The following ZNF567 variants were observed in gnomAD, a reference collection of about 807,000 sequenced individuals.
ZNF567 encodes zinc finger protein 567.
A neutral mutation model predicts 53.9 loss-of-function variants in ZNF567; 36 were observed. The observed-to-expected ratio is 0.67, with a 90% CI of 0.51 to 0.88. ZNF567 has a LOEUF of 0.88. Ranked by LOEUF, ZNF567 falls within the 40% of genes least tolerant of loss-of-function variation. ZNF567 has a pLI of 0.00. For missense variants in ZNF567, 619 were observed against 764.7 expected (o/e 0.81, Z 2.25); for synonymous variants, 224 against 260.4 (o/e 0.86, Z 1.35).
the ZNF567 span, among the ~76,000 whole-genome samples, chr19:36,671,997 G>A: frequency 6.6e-6 from 1 of 152,216 alleles, no homozygotes; most frequent in Admixed American, 6.5e-5. Context: ...GCCTGCACTC[G>A]TGGCCTCATG....
At chr19:36,722,113 G>A (rs2040310144), downstream of ZNF567, among the ~76,000 whole-genome samples, 1 of 152,106 alleles carries the variant, frequency 6.6e-6, no homozygotes, top group African/African-American at 2.4e-5. Flanking sequence ...AGTGACTAGA[G>A]AGATTTTGAT....
At chr19:36,707,827 C>T (rs1396275290) in intron 3 of ZNF567, among the ~76,000 whole-genome samples, 2 of 152,290 alleles carry the variant, frequency 1.3e-5, no homozygotes, top group East Asian at 3.9e-4. Context: ...GATCTGCCTG[C>T]CTAGACCTCC....
the ZNF567 span, among the ~76,000 whole-genome samples, chr19:36,674,955 G>A: frequency 6.6e-6 from 1 of 152,108 alleles, no homozygotes; most frequent in African/African-American, 2.4e-5. Context: ...GTTTCACCAT[G>A]TTGGCCAGGC....
At chr19:36,701,177 T>C (rs2039163632) in intron 3 of ZNF567, among the ~76,000 whole-genome samples, 1 of 152,254 alleles carries the variant, frequency 6.6e-6, no homozygotes, top group Non-Finnish European at 1.5e-5. Flanking sequence ...CATTTCATTA[T>C]GTACCCAGTA....
downstream of ZNF567, chr19:36,727,001 T>TCTTC (rs1436168243): frequency 2.0e-4 from 18 of 91,688 alleles, no homozygotes; most frequent in African/African-American, 8.0e-4. Flanking sequence ...TTTCTTTCTT[T>TCTTC]CTTTCTTTCC....
In ZNF567 at chr19:36,719,600, G is replaced by A. The variant is rs767154017; in HGVS notation, c.876G>A (p.Arg292=). 2 of 1,613,980 alleles carry A rather than the reference G, an allele frequency of 1.2e-6. No homozygotes were observed. Among genetic ancestry groups the A allele is most frequent in the Non-Finnish European group, 1.7e-6 (2 of 1,180,014 alleles). The change falls in exon 6 of 6, where the codon AGG becomes AGA. Residue 292 remains arginine, a synonymous_variant. Transcript: ENST00000682579. ...QCHQCGNAFR[R]KSYLIDHQRT... is the part of the protein sequence containing the mutation. Reference sequence around the variant, plus strand: ...ATCAATGTGGAAATGCATTTAGAAGGAAATCATATCTCATTGATCATCAGA... The same window carrying A: ...ATCAATGTGGAAATGCATTTAGAAGAAAATCATATCTCATTGATCATCAGA...
chr19:36,704,794 T>C (rs3108179), intron 3 of ZNF567, among the ~76,000 whole-genome samples: 95,095 of 151,948 alleles, frequency 0.63, 29,870 homozygotes, highest in East Asian at 0.8. Context: ...TCTTAAACGT[T>C]TGTTAGAATT....
At chr19:36,699,661 A>G (rs377522746) in intron 3 of ZNF567, among the ~76,000 whole-genome samples, 21 of 152,004 alleles carry the variant, frequency 1.4e-4, no homozygotes, top group African/African-American at 7.2e-5. Flanking sequence ...TGGATTCCTA[A>G]GTATTTTATT....
At chr19:36,723,590 C>T (rs535120335), downstream of ZNF567, among the ~76,000 whole-genome samples, 26 of 152,292 alleles carry the variant, frequency 1.7e-4, no homozygotes, top group African/African-American at 5.8e-4. Flanking sequence ...AATCCCAGCA[C>T]TTTGGGAGGC....
At chr19:36,676,867 AAGAT>A in the ZNF567 span, among the ~76,000 whole-genome samples, 3 of 152,072 alleles carry the variant, frequency 2.0e-5, no homozygotes, top group African/African-American at 7.2e-5. Context: ...ATAAAAGTAA[AAGAT>A]AGGGCCGGGC....
chr19:36,689,946 A>G (rs998502485), intron 2 of ZNF567, among the ~76,000 whole-genome samples: 3 of 152,130 alleles, frequency 2.0e-5, no homozygotes, highest in Admixed American at 6.5e-5. Context: ...CAGCCTCTCC[A>G]CTGTCTTTAA....
downstream of ZNF567, chr19:36,726,982 T>TTCTCTTTCTTTCTTTCTTTCTTTCTTTC (rs375360156): frequency 1.1e-4 from 6 of 55,386 alleles, no homozygotes; most frequent in Non-Finnish European, 1.4e-4. Context: ...CTTTCTTTCT[T>TTCTCTTTCTTTCTTTCTTTCTTTCTTTC]TTTCTTTCTT....
chr19:36,676,369 T>A, the ZNF567 span, among the ~76,000 whole-genome samples: 1 of 63,488 alleles, frequency 1.6e-5, no homozygotes, highest in Non-Finnish European at 3.4e-5. Context: ...CCCAACCAAC[T>A]TTTTTTTTTT....
chr19:36,715,534 A>AT (rs1457726456), intron 5 of ZNF567, among the ~76,000 whole-genome samples: 1 of 124,386 alleles, frequency 8.0e-6, no homozygotes, highest in Non-Finnish European at 1.6e-5. Context: ...TATTATTATT[A>AT]TTATTATTAT....
chr19:36,681,716 C>G, the ZNF567 span, among the ~76,000 whole-genome samples: 1 of 152,080 alleles, frequency 6.6e-6, no homozygotes, highest in East Asian at 1.9e-4. Context: ...AAGGTGTGAG[C>G]CACTGCACCT....
chr19:36,692,394 A>G lies in ZNF567; in HGVS notation c.-66-2408A>G, dbSNP rs1454576956. ...GATTTTTTGTTTTTATTTTTTAGAG[A>G]CAGAGTCTTGCTCTGTTGTCCAGGT... On this transcript the variant is annotated intron_variant, in intron 2 of 5. Transcript: ENST00000682579. 4.6e-5 allele frequency among the ~76,000 whole-genome samples: 7 copies of G among 152,132 alleles called. No individual in the cohort carries two copies. In the East Asian group the frequency reaches 1.3e-3, roughly 29 times the overall value.
chr19:36,672,837 A>G, the ZNF567 span, among the ~76,000 whole-genome samples: 1 of 152,220 alleles, frequency 6.6e-6, no homozygotes, highest in Non-Finnish European at 1.5e-5. Flanking sequence ...CAGTTAAAGA[A>G]CCACAATCAG....
chr19:36,727,422 C>T (rs2040340218), downstream of ZNF567: 1 of 151,664 alleles, frequency 6.6e-6, no homozygotes, highest in Non-Finnish European at 1.5e-5. Flanking sequence ...GTCTATCACC[C>T]AGGCTGGAAT....
the ZNF567 span, among the ~76,000 whole-genome samples, chr19:36,679,106 G>A: frequency 1.3e-5 from 2 of 152,086 alleles, no homozygotes; most frequent in Non-Finnish European, 2.9e-5. Flanking sequence ...CTAAGATGGT[G>A]AAACCCCGTC....
Sources: allele counts gnomAD v4.1 joint callset (sites outside exome capture counted in the v4.1 genomes callset), GRCh38; gene constraint gnomAD v4.1.1; transcripts MANE v1.5; gene names NCBI Gene and HGNC (gene_info 2026-07-23, HGNC 2026-07-21).